PTPRM: variants seen among roughly 807,000 people sequenced by gnomAD.
The protein encoded by PTPRM is protein tyrosine phosphatase receptor type M.
A neutral mutation model predicts 186.7 loss-of-function variants in PTPRM; 47 were observed. The observed-to-expected ratio is 0.25, with a 90% CI of 0.20 to 0.32. PTPRM has a LOEUF of 0.32. PTPRM is among the 10% of genes least tolerant of loss of function. The probability of loss-of-function intolerance (pLI) is 1.00; values close to 1 mark genes in which losing one functional copy is unlikely to be tolerated. For missense variants in PTPRM, 1,494 were observed against 1,865.0 expected, an observed-to-expected ratio of 0.80 and a Z score of 3.66; for synonymous variants, 668 against 674.9, an observed-to-expected ratio of 0.99 and a Z score of 0.16.
chr18:7,982,580 A>G (rs1385278421), intron 7 of PTPRM, among the ~76,000 whole-genome samples: 1 of 152,018 alleles, frequency 6.6e-6, no homozygotes. Flanking sequence ...AGTATATTAT[A>G]GTAAAACCAT....
At chr18:8,203,363 T>C (rs1177660349) in intron 14 of PTPRM, among the ~76,000 whole-genome samples, 1 of 148,064 alleles carries the variant, frequency 6.8e-6, no homozygotes, top group African/African-American at 2.6e-5. Flanking sequence ...AACACAAATT[T>C]CGGAAGTTTT....
At chr18:8,316,343 T>C (rs2095308747) in intron 21 of PTPRM, among the ~76,000 whole-genome samples, 1 of 152,190 alleles carries the variant, frequency 6.6e-6, no homozygotes, top group African/African-American at 2.4e-5. Flanking sequence ...GAAGGAGTCA[T>C]TGTGATCAGA....
At position 7,792,693 on chromosome 18, in the gene PTPRM, G is replaced by A. The variant is rs539314050; in HGVS notation, c.196+18422G>A. Among the ~76,000 whole-genome samples, 12 of 152,164 alleles carry A rather than the reference G, an allele frequency of 7.9e-5. 1 individual carries two copies. In the South Asian group the frequency reaches 2.5e-3, roughly 32 times the overall value. On this transcript the variant is annotated intron_variant, in intron 2 of 32. Coordinates refer to ENST00000580170, the MANE Select transcript of PTPRM (RefSeq NM_001105244.2). ...TTTTTGCTTTTTATTTTGAGATAGG[G>A]TCTCATTCTGTCGCCAGCTGGAGTG...
chr18:8,092,701 T>A (rs973222844), intron 11 of PTPRM, among the ~76,000 whole-genome samples: 1 of 152,088 alleles, frequency 6.6e-6, no homozygotes, highest in Non-Finnish European at 1.5e-5. Flanking sequence ...TTATTGCTAA[T>A]GAAAGTCTGT....
At chr18:8,383,961 C>T (rs183264638) in intron 29 of PTPRM, among the ~76,000 whole-genome samples, 17 of 152,244 alleles carry the variant, frequency 1.1e-4, no homozygotes, top group South Asian at 2.1e-4. Flanking sequence ...GGGGACATGG[C>T]GACTGCCATC....
intron 8 of PTPRM, among the ~76,000 whole-genome samples, chr18:8,071,901 A>G (rs555366853): frequency 6.6e-6 from 1 of 152,292 alleles, no homozygotes; most frequent in Admixed American, 6.5e-5. Flanking sequence ...TGATCTGAGA[A>G]GTGAGAATAA....
At chr18:7,833,614 A>G (rs1196455315) in intron 2 of PTPRM, among the ~76,000 whole-genome samples, 2 of 152,008 alleles carry the variant, frequency 1.3e-5, no homozygotes, top group East Asian at 3.9e-4. Flanking sequence ...GGTGCCTATA[A>G]TCCCAGCTAC....
At chr18:8,088,643 A>G in intron 10 of PTPRM, 106 bp from the exon 11 acceptor site, 1 of 884,538 alleles carries the variant, frequency 1.1e-6, no homozygotes, top group Non-Finnish European at 1.8e-6. Context: ...TGCAATGTAA[A>G]GTAAATGCAC....
chr18:7,657,511 G>C (rs2038878546), intron 1 of PTPRM, among the ~76,000 whole-genome samples: 1 of 152,118 alleles, frequency 6.6e-6, no homozygotes, highest in African/African-American at 2.4e-5. Flanking sequence ...CTCATCACTA[G>C]TTGTTTGCAT....
chr18:7,975,746 C>T (rs991393636), intron 7 of PTPRM, among the ~76,000 whole-genome samples: 1 of 152,166 alleles, frequency 6.6e-6, no homozygotes, highest in Admixed American at 6.5e-5. Context: ...GTGTATATGT[C>T]TGTGGCCAAG....
chr18:7,670,417 A>G (rs1295728582), intron 1 of PTPRM, among the ~76,000 whole-genome samples: 1 of 152,232 alleles, frequency 6.6e-6, no homozygotes, highest in Non-Finnish European at 1.5e-5. Flanking sequence ...CCTATAAATT[A>G]TGTTGTAGCA....
At chr18:8,051,063 A>G (rs1190151875) in intron 7 of PTPRM, among the ~76,000 whole-genome samples, 1 of 152,104 alleles carries the variant, frequency 6.6e-6, no homozygotes, top group East Asian at 1.9e-4. Context: ...TGTGTTTTGA[A>G]AGAGGGGGCT....
chr18:7,717,245 C>A (rs2040354461), intron 1 of PTPRM, among the ~76,000 whole-genome samples: 1 of 152,096 alleles, frequency 6.6e-6, no homozygotes, highest in Non-Finnish European at 1.5e-5. Flanking sequence ...CATGGCCCCA[C>A]CCCACCCCAT....
At chr18:8,197,821 T>C (rs1351016073) in intron 14 of PTPRM, among the ~76,000 whole-genome samples, 2 of 152,208 alleles carry the variant, frequency 1.3e-5, no homozygotes, top group African/African-American at 4.8e-5. Flanking sequence ...CTGAACAAGA[T>C]AATATTCTCT....
intron 1 of PTPRM, among the ~76,000 whole-genome samples, chr18:7,724,383 A>G (rs1191553900): frequency 6.6e-6 from 1 of 152,226 alleles, no homozygotes; most frequent in Non-Finnish European, 1.5e-5. Context: ...ATTTACAGCA[A>G]CATGGACCTA....
chr18:8,346,807 T>TG (rs1459449136), intron 23 of PTPRM, among the ~76,000 whole-genome samples: 1 of 8,230 alleles, frequency 1.2e-4, no homozygotes, highest in Admixed American at 2.2e-3. Context: ...TAATGACTAT[T>TG]GAAAAAAAAA....
intron 14 of PTPRM, among the ~76,000 whole-genome samples, chr18:8,243,133 A>G (rs543622773): frequency 6.6e-6 from 1 of 152,204 alleles, no homozygotes; most frequent in South Asian, 2.1e-4. Context: ...CTGTTTATTT[A>G]TGTTAGTTTC....
chr18:8,134,815 G>A (rs373910694), intron 13 of PTPRM, among the ~76,000 whole-genome samples: 2 of 152,014 alleles, frequency 1.3e-5, no homozygotes, highest in South Asian at 4.2e-4. Context: ...TCCATAGCAT[G>A]AGCAATAACC....
At chr18:7,877,530 C>CAT (rs2048305874) in intron 2 of PTPRM, among the ~76,000 whole-genome samples, 1 of 152,182 alleles carries the variant, frequency 6.6e-6, no homozygotes, top group South Asian at 2.1e-4. Context: ...TGAATTTTGA[C>CAT]ATATATCTAT....
Sources: gnomAD v4.1 joint callset for allele counts (sites outside exome capture counted in the v4.1 genomes callset) on GRCh38, gnomAD v4.1.1 for gene constraint, MANE v1.5 for transcripts, NCBI Gene and HGNC (gene_info 2026-07-23, HGNC 2026-07-21) for gene names.